Variants in SLIT2 observed in about 807,000 individuals in gnomAD.
The protein encoded by SLIT2 is slit homolog 2 protein.
SLIT2 carries 41 observed loss-of-function variants against 185.7 expected under a neutral mutation model. The ratio of observed to expected loss-of-function variants is 0.22; its 90% CI spans 0.17 to 0.29. The LOEUF (loss-of-function observed/expected upper bound fraction) is 0.29. Ranked by LOEUF, SLIT2 falls within the 10% of genes least tolerant of loss-of-function variation. SLIT2 has a pLI of 1.00. For missense variants in SLIT2, 1,571 were observed against 1,909.0 expected, an observed-to-expected ratio of 0.82 and a Z score of 3.30; for synonymous variants, 693 against 680.2, an observed-to-expected ratio of 1.02 and a Z score of -0.29.
At chr4:20,370,573 C>T (rs1723489286) in intron 4 of SLIT2, among the ~76,000 whole-genome samples, 1 of 152,026 alleles carries the variant, frequency 6.6e-6, no homozygotes, top group Non-Finnish European at 1.5e-5. Flanking sequence ...TACTGGATTC[C>T]CTTTAGATCT....
At chr4:20,291,215 G>C (rs1015220791) in intron 4 of SLIT2, among the ~76,000 whole-genome samples, 1 of 151,996 alleles carries the variant, frequency 6.6e-6, no homozygotes, top group Non-Finnish European at 1.5e-5. Flanking sequence ...ATGTTCCTCA[G>C]ATATCTAAGT....
chr4:20,617,119 G>T lies in SLIT2; in HGVS notation c.4057G>T (p.Gly1353Cys). The change falls in exon 35 of 37, where the codon GGC becomes TGC. Residue 1353 changes from glycine to cysteine, a missense_variant. Coordinates refer to ENST00000504154, the MANE Select transcript of SLIT2 (RefSeq NM_004787.4). ...CACATGCCAGCCCAGCAGCCAGGCA[G>T]GCTTCACCTGCGAGTGCCAGGAAGG... The part of the protein sequence containing the change: ...HGTCQPSSQA[G>C]FTCECQEGWM... 6.2e-7 allele frequency: 1 copy of T among 1,610,654 alleles called. No homozygotes were observed. Among genetic ancestry groups the T allele is most frequent in the Non-Finnish European group, 8.5e-7 (1 of 1,177,054 alleles).
At chr4:20,513,609 G>A (rs1231435630) in intron 11 of SLIT2, among the ~76,000 whole-genome samples, 2 of 152,166 alleles carry the variant, frequency 1.3e-5, no homozygotes, top group African/African-American at 4.8e-5. Context: ...TCATGGAGGA[G>A]ACCAGTGATA....
At chr4:20,615,218 T>A (rs1372789652) in intron 34 of SLIT2, 3 of 152,212 alleles carry the variant, frequency 2.0e-5, no homozygotes, top group African/African-American at 4.8e-5. Flanking sequence ...GAATTTTCTG[T>A]CACCAGTCCT....
intron 21 of SLIT2, among the ~76,000 whole-genome samples, chr4:20,542,891 A>T (rs1219115339): frequency 6.8e-6 from 1 of 148,116 alleles, no homozygotes; most frequent in African/African-American, 2.5e-5. Flanking sequence ...TGCCTTTACT[A>T]TGCTAAAGTG....
At chr4:20,412,376 G>A (rs558516483) in intron 4 of SLIT2, among the ~76,000 whole-genome samples, 46 of 152,068 alleles carry the variant, frequency 3.0e-4, no homozygotes, top group Non-Finnish European at 6.2e-4. Context: ...GTGTAGTTTA[G>A]TGTAAATTAA....
intron 6 of SLIT2, among the ~76,000 whole-genome samples, chr4:20,485,040 C>T (rs1464904984): frequency 6.6e-6 from 1 of 152,102 alleles, no homozygotes; most frequent in African/African-American, 2.4e-5. Flanking sequence ...TCCAACAGGA[C>T]CACTGATGCT....
intron 18 of SLIT2, among the ~76,000 whole-genome samples, chr4:20,535,791 AG>A (rs1291658150): frequency 6.6e-6 from 1 of 152,052 alleles, no homozygotes; most frequent in Non-Finnish European, 1.5e-5. Flanking sequence ...TAAGGATGGC[AG>A]TCCGTCAGGA....
At chr4:20,496,985 G>A (rs1037872522) in intron 9 of SLIT2, among the ~76,000 whole-genome samples, 5 of 151,986 alleles carry the variant, frequency 3.3e-5, no homozygotes, top group Non-Finnish European at 7.4e-5. Context: ...GGGCCAAAAT[G>A]GGTCTAGAAT....
intron 26 of SLIT2, among the ~76,000 whole-genome samples, chr4:20,563,647 G>T (rs930680127): frequency 6.6e-6 from 1 of 151,636 alleles, no homozygotes; most frequent in East Asian, 1.9e-4. Context: ...ATATATAGAA[G>T]GCTCTCAGGG....
intron 4 of SLIT2, among the ~76,000 whole-genome samples, chr4:20,374,294 A>C (rs1387805549): frequency 6.6e-6 from 1 of 152,114 alleles, no homozygotes; most frequent in Non-Finnish European, 1.5e-5. Flanking sequence ...TAATAATAGA[A>C]ATTTATTGAG....
chr4:20,386,091 ATATATG>A (rs1724916209), intron 4 of SLIT2, among the ~76,000 whole-genome samples: 1 of 152,160 alleles, frequency 6.6e-6, no homozygotes, highest in Non-Finnish European at 1.5e-5. Context: ...AATGTGTATG[ATATATG>A]TATAAGTGTA....
intron 4 of SLIT2, among the ~76,000 whole-genome samples, chr4:20,337,714 C>T (rs1326336550): frequency 2.6e-5 from 4 of 152,154 alleles, no homozygotes; most frequent in African/African-American, 9.7e-5. Flanking sequence ...AATTGGGCCA[C>T]TAAATAGTTT....
At chr4:20,463,429 T>C (rs1227997824) in intron 4 of SLIT2, among the ~76,000 whole-genome samples, 2 of 135,134 alleles carry the variant, frequency 1.5e-5, no homozygotes, top group East Asian at 4.2e-4. Context: ...ATAAACTATC[T>C]TCATTGACCT....
chr4:20,563,800 TAAGA>T (rs1165786649), intron 26 of SLIT2, among the ~76,000 whole-genome samples: 1 of 151,908 alleles, frequency 6.6e-6, no homozygotes, highest in Non-Finnish European at 1.5e-5. Flanking sequence ...TCTGGAAGTC[TAAGA>T]AAGAGTGTCA....
chr4:20,446,643 T>C (rs1218683659), intron 4 of SLIT2, among the ~76,000 whole-genome samples: 1 of 152,182 alleles, frequency 6.6e-6, no homozygotes, highest in Non-Finnish European at 1.5e-5. Context: ...AAAGAAAATA[T>C]GCATCACTGA....
chr4:20,541,437 T>C lies in SLIT2; in HGVS notation c.1977-16T>C. The C allele has an allele frequency of 2.5e-6, 4 of 1,613,114 alleles. No individual in the cohort carries two copies. The highest frequency in any genetic ancestry group is 3.4e-6 in the Non-Finnish European group (4 of 1,179,252). ...ACCCCAGGCTAAACTGTGCATCGTT[T>C]GCCTGTGGCTCTTAGAAACCTCTTG... is the stretch of plus-strand genomic sequence containing the variant. On this transcript the variant is annotated splice_polypyrimidine_tract_variant and intron_variant, in intron 19 of 36. Transcript: ENST00000504154.
chr4:20,583,231 T>C (rs942525171), intron 29 of SLIT2, among the ~76,000 whole-genome samples: 1 of 152,202 alleles, frequency 6.6e-6, no homozygotes, highest in African/African-American at 2.4e-5. Context: ...GTTGTTGTTG[T>C]TGTTTACCAT....
At chr4:20,534,081 G>T (rs1417823649) in intron 18 of SLIT2, among the ~76,000 whole-genome samples, 1 of 152,158 alleles carries the variant, frequency 6.6e-6, no homozygotes, top group Non-Finnish European at 1.5e-5. Flanking sequence ...TTGTTCCAGT[G>T]CTTATATGGA....
Sources: allele counts gnomAD v4.1 joint callset (sites outside exome capture counted in the v4.1 genomes callset), GRCh38; gene constraint gnomAD v4.1.1; transcripts MANE v1.5; gene names NCBI Gene and HGNC (gene_info 2026-07-23, HGNC 2026-07-21).